The following AKAP13 variants were observed in gnomAD, a reference collection of about 807,000 sequenced individuals.
The protein encoded by AKAP13 is A-kinase anchor protein 13.
In AKAP13, 80 loss-of-function variants were observed where a neutral mutation model predicts 264.5. The ratio of observed to expected loss-of-function variants is 0.30; its 90% CI spans 0.25 to 0.36. The LOEUF (loss-of-function observed/expected upper bound fraction) is 0.36, where lower values mean the gene tolerates loss of function less well. AKAP13 is among the 10% of genes least tolerant of loss of function. The pLI is 1.00. For missense variants in AKAP13, 3,712 were observed against 3,435.2 expected (o/e 1.08, Z -2.01); for synonymous variants, 1,380 against 1,250.2 (o/e 1.10, Z -2.19).
intron 17 of AKAP13, among the ~76,000 whole-genome samples, chr15:85,696,158 G>A (rs926769480): frequency 2.6e-5 from 4 of 152,162 alleles, no homozygotes; most frequent in Non-Finnish European, 5.9e-5. Context: ...TTATTAGTAT[G>A]ATTAGTATTG....
At chr15:85,682,242 GAAATA>G (rs1451863256) in intron 15 of AKAP13, 30 bp downstream of exon 15, 20 of 1,599,840 alleles carry the variant, frequency 1.3e-5, no homozygotes, top group Non-Finnish European at 1.5e-5. Context: ...CCTTTTTCCA[GAAATA>G]AAATGAAGAA....
chr15:85,658,986 G>A (rs749341398), intron 12 of AKAP13, among the ~76,000 whole-genome samples: 10 of 152,150 alleles, frequency 6.6e-5, no homozygotes, highest in Middle Eastern at 3.4e-3. Flanking sequence ...AGGAATGTGT[G>A]TGTGCTTGTG....
At chr15:85,382,913 A>C (rs1305488063) in intron 1 of AKAP13, among the ~76,000 whole-genome samples, 1 of 152,248 alleles carries the variant, frequency 6.6e-6, no homozygotes, top group Non-Finnish European at 1.5e-5. Flanking sequence ...GTTCACTTGC[A>C]GATCTGTGAT....
At chr15:85,398,290 A>G (rs777425030) in intron 1 of AKAP13, among the ~76,000 whole-genome samples, 6 of 152,194 alleles carry the variant, frequency 3.9e-5, no homozygotes, top group Non-Finnish European at 7.3e-5. Flanking sequence ...GACATTTTTA[A>G]TAAGTCTTAT....
At position 85,579,097 on chromosome 15, in the gene AKAP13, A is replaced by T; in HGVS notation, c.1029A>T (p.Pro343=). The T allele has an allele frequency of 6.2e-7, 1 of 1,614,204 alleles. No homozygotes were observed. The highest frequency in any genetic ancestry group is 8.5e-7 in the Non-Finnish European group (1 of 1,180,044). The stretch of plus-strand genomic sequence containing the variant: ...AGACTGAGAGCACTCAGTGCTGCCC[A>T]GGGAGCCCTGTTGCACAGACTGAAA... The part of the protein sequence containing the change: ...SEETESTQCC[P]GSPVAQTESP... The change falls in exon 7 of 37, where the codon CCA becomes CCT. Residue 343 remains proline, a synonymous_variant. Coordinates refer to ENST00000394518, the MANE Select transcript of AKAP13 (RefSeq NM_007200.5).
At position 85,743,808 on chromosome 15, in the gene AKAP13, G is replaced by C. The variant is rs1483335847; in HGVS notation, c.8375G>C (p.Ser2792Thr). 6.2e-7 allele frequency: 1 copy of C among 1,610,504 alleles called. No homozygotes were observed. Among genetic ancestry groups the C allele is most frequent in the African/African-American group, 1.3e-5 (1 of 74,588 alleles). Residue 2792 changes from serine to threonine, a missense_variant, in exon 36 of 37, where the codon AGC becomes ACC. This residue lies in a region of AKAP13 where 611 missense variants were observed against 539.3 expected (regional missense o/e 1.13). Coordinates refer to ENST00000394518, the MANE Select transcript of AKAP13 (RefSeq NM_007200.5). ...GAGAAAAAAAAGAAGAACAAAACCA[G>C]CCGCTCTCAGCCCGGTGGTGAGTCA... ...KKEKKKKNKT[S>T]RSQPGDGPAS... is the part of the protein sequence containing the mutation.
chr15:85,583,263 G>A (rs2151310826), intron 7 of AKAP13: 2 of 826,994 alleles, frequency 2.4e-6, no homozygotes, highest in Non-Finnish European at 2.9e-6. Context: ...GTGGGGGAGG[G>A]TTATGGAGAG....
intron 15 of AKAP13, among the ~76,000 whole-genome samples, chr15:85,682,869 G>C (rs1293668272): frequency 6.6e-6 from 1 of 152,108 alleles, no homozygotes; most frequent in African/African-American, 2.4e-5. Context: ...GTTTCTCCAT[G>C]TTGGTCAGGC....
intron 1 of AKAP13, among the ~76,000 whole-genome samples, chr15:85,399,502 C>CAAAAAAAAA (rs71138392): frequency 1.7e-4 from 13 of 77,066 alleles, no homozygotes; most frequent in East Asian, 7.5e-4. Context: ...GACTCCGTCT[C>CAAAAAAAAA]AAAAAAAAAA....
chr15:85,671,834 A>C (rs1005864356), intron 14 of AKAP13, among the ~76,000 whole-genome samples: 1 of 152,198 alleles, frequency 6.6e-6, no homozygotes, highest in East Asian at 1.9e-4. Context: ...GTGTCGTGAC[A>C]TAGTGGATAT....
intron 14 of AKAP13, among the ~76,000 whole-genome samples, chr15:85,679,837 A>G (rs1040852355): frequency 6.6e-6 from 1 of 152,216 alleles, no homozygotes; most frequent in Non-Finnish European, 1.5e-5. Flanking sequence ...TATTTTGTCC[A>G]TAATTTTGTC....
intron 1 of AKAP13, among the ~76,000 whole-genome samples, chr15:85,439,126 A>G (rs1342104176): frequency 6.6e-6 from 1 of 152,186 alleles, no homozygotes; most frequent in Non-Finnish European, 1.5e-5. Context: ...TTACAAGAAA[A>G]AAAATAAACA....
chr15:85,646,438 A>G (rs2082564759), intron 10 of AKAP13, among the ~76,000 whole-genome samples: 1 of 151,098 alleles, frequency 6.6e-6, no homozygotes, highest in Non-Finnish European at 1.5e-5. Context: ...AAAAACAAAA[A>G]AAAGGGAAAG....
At chr15:85,540,413 A>G (rs984450807) in intron 4 of AKAP13, among the ~76,000 whole-genome samples, 2 of 152,192 alleles carry the variant, frequency 1.3e-5, no homozygotes, top group African/African-American at 2.4e-5. Context: ...CGGCAAAGCT[A>G]TTATTATGAC....
chr15:85,599,574 C>G (rs77087938), intron 8 of AKAP13, among the ~76,000 whole-genome samples: 123 of 152,290 alleles, frequency 8.1e-4, no homozygotes, highest in African/African-American at 2.6e-3. Context: ...GTGCTTCTAG[C>G]TGTCCCAGAA....
chr15:85,691,074 A>C (rs2151633379), intron 16 of AKAP13, among the ~76,000 whole-genome samples: 1 of 152,330 alleles, frequency 6.6e-6, no homozygotes, highest in African/African-American at 2.4e-5. Context: ...TGCCCACTTC[A>C]GAGTTATTGA....
At chr15:85,478,715 C>T (rs1166968924) in intron 1 of AKAP13, among the ~76,000 whole-genome samples, 9 of 151,716 alleles carry the variant, frequency 5.9e-5, no homozygotes, top group East Asian at 1.9e-4. Context: ...CCCAACCCCT[C>T]GCCTTACCCA....
intron 5 of AKAP13, among the ~76,000 whole-genome samples, chr15:85,559,043 A>C (rs1418391980): frequency 6.7e-6 from 1 of 149,848 alleles, no homozygotes; most frequent in Non-Finnish European, 1.5e-5. Context: ...CAGTTATATC[A>C]TTCTTTCCAA....
chr15:85,511,519 T>A (rs1298094518), intron 2 of AKAP13, among the ~76,000 whole-genome samples: 1 of 152,220 alleles, frequency 6.6e-6, no homozygotes, highest in Non-Finnish European at 1.5e-5. Context: ...TATCACAAAT[T>A]ATTCCCACAA....
Sources: gnomAD v4.1 joint callset for allele counts (sites outside exome capture counted in the v4.1 genomes callset) on GRCh38, gnomAD v4.1.1 for gene constraint, gnomAD v4.1.1 regional missense constraint, MANE v1.5 for transcripts, NCBI Gene and HGNC (gene_info 2026-07-23, HGNC 2026-07-21) for gene names.